ADGRB2: variants seen among roughly 807,000 people sequenced by gnomAD.
The protein encoded by ADGRB2 is brain-specific angiogenesis inhibitor 2.
Under a neutral mutation model 178.7 loss-of-function variants are expected in ADGRB2, and 47 were observed. The ratio of observed to expected loss-of-function variants is 0.26; its 90% CI spans 0.21 to 0.34. The LOEUF is 0.34. Among genes scored for constraint, ADGRB2 ranks in the 10% least tolerant of loss-of-function variants. The pLI, the probability that ADGRB2 is intolerant of heterozygous loss-of-function variation, is 1.00. For synonymous variants in ADGRB2, 870 were observed against 912.4 expected (o/e 0.95, Z 0.84); for missense variants, 1,584 against 2,180.8 (o/e 0.73, Z 5.45).
At position 31,727,541 on chromosome 1, in the gene ADGRB2, G is replaced by T. The variant is rs1645046414; in HGVS notation, c.4637C>A (p.Thr1546Asn). 1.3e-6 allele frequency: 2 copies of T among 1,596,678 alleles called. No individual in the cohort carries two copies. Among genetic ancestry groups the T allele is most frequent in the East Asian group, 2.3e-5 (1 of 43,880 alleles). ...SQHRRHQSWS[T>N]FKSMTLGSLP... ...CGAGCCCAGTGTCATAGATTTGAAG[G>T]TGCTCCAGCTCTGATGGCGCCGATG... Residue 1546 changes from threonine to asparagine, a missense_variant, in exon 33 of 33, where the codon ACC becomes AAC. Thr to Asn is a moderately conservative substitution (Grantham distance 65). Around this residue, in one of 3 missense-constraint regions of ADGRB2, gnomAD observed 865 missense variants for 1,192.8 expected, o/e 0.73. Coordinates refer to ENST00000373658, the MANE Select transcript of ADGRB2 (RefSeq NM_001364857.2). This position sits in a 1 kb window ranked among gnomAD's most constrained non-coding sequence, Gnocchi z 4.4.
Position 31,741,721 on chromosome 1 carries a change from G to A in ADGRB2, c.1590C>T (p.Phe530=). The change falls in exon 10 of 33, where the codon TTC becomes TTT. Residue 530 remains phenylalanine (F), a synonymous_variant. Transcript: ENST00000373658. The surrounding 1 kb of genome is among the most constrained non-coding windows in gnomAD (Gnocchi z 6.5). ...CGTACTCATCCCTGCACATCTCATG[G>A]AAGGCTGTGGGTGCAGGGGTAAGGT... ...KPCSEKRCPA[F]HEMCRDEYVM... is the part of the protein sequence containing the mutation. 1 of 1,613,092 alleles carries A rather than the reference G, an allele frequency of 6.2e-7. No individual in the cohort carries two copies. The highest frequency in any genetic ancestry group is 8.5e-7 in the Non-Finnish European group (1 of 1,179,222).
At position 31,758,185 on chromosome 1, in the gene ADGRB2, TG is replaced by T. The variant is rs1277752921; in HGVS notation, c.-190-675del. The stretch of plus-strand genomic sequence containing the variant: ...CCACAGGATAGCTCACAGCACTGCA[TG>T]GGCCCCCTAGAGCCCAGCTGGTCCT... On this transcript the variant is annotated intron_variant, in intron 1 of 32. Transcript: ENST00000373658. This position sits in a 1 kb window ranked among gnomAD's most constrained non-coding sequence, Gnocchi z 4.2. Among the ~76,000 whole-genome samples, 1 of 152,170 alleles carries T rather than the reference TG, an allele frequency of 6.6e-6. No homozygotes were observed. Among genetic ancestry groups the T allele is most frequent in the Non-Finnish European group, 1.5e-5 (1 of 68,018 alleles).
At position 31,736,611 on chromosome 1, in the gene ADGRB2, G is replaced by T; in HGVS notation, c.3092C>A (p.Thr1031Asn). 1 of 1,614,156 alleles carries T rather than the reference G, an allele frequency of 6.2e-7. No homozygotes were observed. Among genetic ancestry groups the T allele is most frequent in the Non-Finnish European group, 8.5e-7 (1 of 1,179,996 alleles). ...SYLAVIGRMR[T>N]RLVRKRFLCL... is the part of the protein sequence containing the mutation. ...GAGGAAGCGCTTGCGAACGAGGCGG[G>T]TGCGCATCCGCCCAATGACAGCCAG... The change falls in exon 21 of 33, where the codon ACC becomes AAC. Residue 1031 changes from threonine to asparagine, a missense_variant. Physicochemically the swap from Thr to Asn is moderately conservative, Grantham distance 65 (BLOSUM62 0). Coordinates refer to ENST00000373658, the MANE Select transcript of ADGRB2 (RefSeq NM_001364857.2).
Position 31,737,730 on chromosome 1 carries a change from G to C in ADGRB2, c.2798C>G (p.Ser933Trp). The change falls in exon 19 of 33, where the codon TCG (serine) becomes TGG (tryptophan). Residue 933 changes from serine to tryptophan, a missense_variant. Physicochemically the swap from Ser to Trp is radical, Grantham distance 177. Around this residue, in one of 3 missense-constraint regions of ADGRB2, gnomAD observed 865 missense variants for 1,192.8 expected, o/e 0.73. Coordinates refer to ENST00000373658, the MANE Select transcript of ADGRB2 (RefSeq NM_001364857.2). The part of the protein sequence containing the change: ...DLTLELAGSP[S>W]VPLVIGCAVS... ...TGCACAGCCGATCACCAGGGGGACCGAGGGGGAGCCCGCCAGCTCCAGGGT... is the reference window on the plus strand; with the variant it reads ...TGCACAGCCGATCACCAGGGGGACCCAGGGGGAGCCCGCCAGCTCCAGGGT... The C allele has an allele frequency of 6.2e-7, 1 of 1,613,650 alleles. No homozygotes were observed. Among genetic ancestry groups the C allele is most frequent in the Non-Finnish European group, 8.5e-7 (1 of 1,180,006 alleles).
In ADGRB2 at chr1:31,738,879, G is replaced by A; in HGVS notation, c.2554C>T (p.Pro852Ser). The A allele has an allele frequency of 6.2e-7, 1 of 1,613,962 alleles. No individual in the cohort carries two copies. The highest frequency in any genetic ancestry group is 8.5e-7 in the Non-Finnish European group (1 of 1,180,008). The change falls in exon 16 of 33, where the codon CCT becomes TCT. Residue 852 changes from proline (P) to serine (S), a missense_variant. Pro to Ser is a moderately conservative substitution (Grantham distance 74). Around this residue, in one of 3 missense-constraint regions of ADGRB2, gnomAD observed 865 missense variants for 1,192.8 expected, o/e 0.73. Transcript: ENST00000373658. ...ACAGTGATGAGGGGCTCAGCTGGAGGCTGGGTAGGGGGGCGCACAGTCACT... is the reference window on the plus strand; with the variant it reads ...ACAGTGATGAGGGGCTCAGCTGGAGACTGGGTAGGGGGGCGCACAGTCACT... ...MTVTVRPPTQ[P>S]PAEPLITVEL...
At chr1:31,737,631 A>G (rs751283741) in intron 19 of ADGRB2, 21 bp downstream of exon 19, 102 of 1,613,038 alleles carry the variant, frequency 6.3e-5, no homozygotes, top group Non-Finnish European at 8.4e-5. Context: ...CCCAGCCACA[A>G]GAGCCAGGTG....
intron 28 of ADGRB2, 138 bp downstream of exon 28, chr1:31,731,977 G>C: frequency 9.0e-7 from 1 of 1,116,040 alleles, no homozygotes; most frequent in East Asian, 2.4e-5. Flanking sequence ...GCAGCCTTGC[G>C]TCCAGCTCAG....
At chr1:31,739,112 G>A (rs1049705786) in intron 15 of ADGRB2, 175 bp from the exon 16 acceptor site, 90 of 838,656 alleles carry the variant, frequency 1.1e-4, no homozygotes, top group African/African-American at 3.4e-4. Flanking sequence ...TCCCTCACCC[G>A]CTGGGTGGCA....
chr1:31,738,248 G>A lies in ADGRB2; in HGVS notation c.2724C>T (p.Cys908=). 1 of 1,614,092 alleles carries A rather than the reference G, an allele frequency of 6.2e-7. No homozygotes were observed. The highest frequency in any genetic ancestry group is 8.5e-7 in the Non-Finnish European group (1 of 1,180,008). ...GTACAGCAAAGGTGGACAGGTGCTG[G>A]CACTGGCAGCGGGTGTGAGCTGCCT... The part of the protein sequence containing the change: ...ETQAAHTRCQ[C]QHLSTFAVLA... Residue 908 remains cysteine (C), a synonymous_variant, in exon 18 of 33, where the codon TGC becomes TGT. Transcript: ENST00000373658.
At position 31,727,539 on chromosome 1, in the gene ADGRB2, A is replaced by G; in HGVS notation, c.4639T>C (p.Phe1547Leu). 6.3e-7 allele frequency: 1 copy of G among 1,596,694 alleles called. No individual in the cohort carries two copies. The highest frequency in any genetic ancestry group is 1.8e-5 in the Admixed American group (1 of 54,830). The change falls in exon 33 of 33, where the codon TTC becomes CTC. Residue 1547 changes from phenylalanine (F) to leucine (L), a missense_variant. Phe to Leu is a conservative substitution (Grantham distance 22). Coordinates refer to ENST00000373658, the MANE Select transcript of ADGRB2 (RefSeq NM_001364857.2). The surrounding 1 kb of genome is among the most constrained non-coding windows in gnomAD (Gnocchi z 4.4). ...QHRRHQSWST[F>L]KSMTLGSLPP... The stretch of plus-strand genomic sequence containing the variant: ...AGCGAGCCCAGTGTCATAGATTTGA[A>G]GGTGCTCCAGCTCTGATGGCGCCGA...
rs1348701121 is a variant in ADGRB2 at position 31,748,816 on chromosome 1, T to TG, written c.839-4086_839-4085insC. On this transcript the variant is annotated intron_variant, in intron 4 of 32. Transcript: ENST00000373658. ...ATTCTGTTCTGAATAAGGCAACGTTTACTAAACAACTCCTACATGCCAGTC... is the reference window on the plus strand; with the variant it reads ...ATTCTGTTCTGAATAAGGCAACGTTTGACTAAACAACTCCTACATGCCAGTC... Among the ~76,000 whole-genome samples, 220 of 152,372 alleles carry TG rather than the reference T, an allele frequency of 1.4e-3. 1 individual carries two copies. Among genetic ancestry groups the TG allele is most frequent in the Non-Finnish European group, 2.5e-3 (171 of 68,040 alleles).
chr1:31,744,239 C>A lies in ADGRB2; in HGVS notation c.1041G>T (p.Gly347=). 1 of 1,547,560 alleles carries A rather than the reference C, an allele frequency of 6.5e-7. No homozygotes were observed. The highest frequency in any genetic ancestry group is 8.7e-7 in the Non-Finnish European group (1 of 1,144,796). ...VSSPYGTLCS[G]PLRETRPCNN... ...TGCAGGGCCTGGTCTCCCGCAGGGG[C>A]CCGCTGCACAGGGTCCCATAGGGGG... is the stretch of plus-strand genomic sequence containing the variant. Residue 347 remains glycine, a synonymous_variant, in exon 6 of 33, where the codon GGG becomes GGT. Transcript: ENST00000373658. This position sits in a 1 kb window ranked among gnomAD's most constrained non-coding sequence, Gnocchi z 6.7.
At chr1:31,762,764 C>T (rs897614688) in intron 1 of ADGRB2, among the ~76,000 whole-genome samples, 10 of 152,218 alleles carry the variant, frequency 6.6e-5, no homozygotes, top group Admixed American at 3.9e-4. Flanking sequence ...GCTCTGGCTG[C>T]GGAAACCCGG....
In ADGRB2 at chr1:31,739,441, C is replaced by T. The variant is rs375695734; in HGVS notation, c.2362G>A (p.Gly788Ser). Residue 788 changes from glycine to serine, a missense_variant, in exon 15 of 33, where the codon GGC (glycine) becomes AGC (serine). Gly to Ser is a moderately conservative substitution (Grantham distance 56). This residue lies in a region of ADGRB2 where 865 missense variants were observed against 1,192.8 expected (regional missense o/e 0.73). Transcript: ENST00000373658. ...GGGCCAGGAGGCACCGTTCCTGGGCCCCTCCCCCTGCCAGGGCTGCCTGCT... is the reference window on the plus strand; with the variant it reads ...GGGCCAGGAGGCACCGTTCCTGGGCTCCTCCCCCTGCCAGGGCTGCCTGCT... Reference protein sequence around the residue: ...GAAGSPGRGRGPGTVPPGPGH... With the variant: ...GAAGSPGRGRSPGTVPPGPGH... 22 of 1,593,100 alleles carry T rather than the reference C, an allele frequency of 1.4e-5. No individual in the cohort carries two copies. The African/African-American group carries it at 2.2e-4, about 16-fold the overall frequency.
rs200579367 is a variant in ADGRB2 at position 31,728,124 on chromosome 1, C to G, written c.4516-43G>C. On this transcript the variant is annotated intron_variant, in intron 31 of 32. Coordinates refer to ENST00000373658, the MANE Select transcript of ADGRB2 (RefSeq NM_001364857.2). This position sits in a 1 kb window ranked among gnomAD's most constrained non-coding sequence, Gnocchi z 6.7. ...GGTCAGGCTCCAACCCCAGGGGCCACTGCACCAGGTCAGGCCCTGAGCTTC... is the reference window on the plus strand; with the variant it reads ...GGTCAGGCTCCAACCCCAGGGGCCAGTGCACCAGGTCAGGCCCTGAGCTTC... The G allele has an allele frequency of 8.1e-6, 13 of 1,613,326 alleles. No individual in the cohort carries two copies. Among genetic ancestry groups the G allele is most frequent in the Non-Finnish European group, 1.0e-5 (12 of 1,179,802 alleles).
chr1:31,749,786 A>G (rs1384126943), intron 4 of ADGRB2, among the ~76,000 whole-genome samples: 2 of 152,258 alleles, frequency 1.3e-5, no homozygotes, highest in South Asian at 4.1e-4. Context: ...GTTTGGTGGC[A>G]TGTGCCTGTA....
intron 29 of ADGRB2, among the ~76,000 whole-genome samples, chr1:31,729,422 C>T (rs377585541): frequency 6.6e-6 from 1 of 152,136 alleles, no homozygotes; most frequent in East Asian, 1.9e-4. Context: ...TCTCCTCTCC[C>T]TACCTGCTTT....
chr1:31,748,728 G>A (rs1440867462), intron 4 of ADGRB2, among the ~76,000 whole-genome samples: 2 of 152,248 alleles, frequency 1.3e-5, no homozygotes, highest in Non-Finnish European at 2.9e-5. Context: ...CCAGTCATGG[G>A]CACAAACAGA....
Position 31,743,022 on chromosome 1 carries a change from C to G in ADGRB2, c.1088-20G>C, listed in dbSNP as rs1202690307. The G allele has an allele frequency of 5.0e-6, 7 of 1,406,096 alleles. No homozygotes were observed. The African/African-American group carries it at 7.5e-5, about 15-fold the overall frequency. The allele number at this position is 1,406,096 out of a possible 1,614,324, so 87.1% of individuals were successfully genotyped here. ...CGTGCACTGCAAGGAAGCACGTGGC[C>G]GGTGGCTGGGCGGCACCATGGCCCC... On this transcript the variant is annotated intron_variant, in intron 6 of 32. Transcript: ENST00000373658.
Sources: allele counts gnomAD v4.1 joint callset (sites outside exome capture counted in the v4.1 genomes callset), GRCh38; gene constraint gnomAD v4.1.1; regional missense constraint gnomAD v4.1.1; non-coding constraint Gnocchi (gnomAD v3.1); transcripts MANE v1.5; gene names NCBI Gene and HGNC (gene_info 2026-07-23, HGNC 2026-07-21).